DCC: variants seen among roughly 807,000 people sequenced by gnomAD.
DCC encodes netrin receptor DCC.
In DCC, 58 loss-of-function variants were observed where a neutral mutation model predicts 172.5. The observed-to-expected ratio is 0.34, with a 90% CI of 0.27 to 0.42. The LOEUF (loss-of-function observed/expected upper bound fraction) is 0.42, where lower values mean the gene tolerates loss of function less well. DCC is among the 10% of genes least tolerant of loss of function. DCC has a pLI of 1.00. For missense variants in DCC, 1,740 were observed against 1,791.0 expected, an observed-to-expected ratio of 0.97 and a Z score of 0.51; for synonymous variants, 709 against 644.5, an observed-to-expected ratio of 1.10 and a Z score of -1.52.
chr18:53,219,474 AG>A (rs1314259510), intron 12 of DCC, among the ~76,000 whole-genome samples: 1 of 152,142 alleles, frequency 6.6e-6, no homozygotes, highest in African/African-American at 2.4e-5. Context: ...CCAAAACCCC[AG>A]TATATTATGA....
intron 12 of DCC, among the ~76,000 whole-genome samples, chr18:53,249,445 G>C (rs1330862542): frequency 6.6e-6 from 1 of 151,690 alleles, no homozygotes; most frequent in Non-Finnish European, 1.5e-5. Context: ...CAGATCAAGG[G>C]CTATGTCTAC....
intron 7 of DCC, among the ~76,000 whole-genome samples, chr18:53,144,637 G>A (rs2043878924): frequency 6.6e-6 from 1 of 152,166 alleles, no homozygotes; most frequent in African/African-American, 2.4e-5. Flanking sequence ...AATTCAAGAT[G>A]AGGTTTGGGT....
At chr18:52,727,400 C>A (rs916303971) in intron 1 of DCC, among the ~76,000 whole-genome samples, 1 of 152,070 alleles carries the variant, frequency 6.6e-6, no homozygotes, top group African/African-American at 2.4e-5. Context: ...AATGTGATGA[C>A]CTGTTTCAAC....
In DCC at chr18:52,925,370, G is replaced by T; in HGVS notation, c.985G>T (p.Val329Phe). ...ISASAELTVL[V>F]PPWFLNHPSN... Reference sequence around the variant, plus strand: ...TGCCTCTGCAGAGCTCACAGTCTTGGGTAAGTTAGTGGCTGGAGATGAGTT... The same window carrying T: ...TGCCTCTGCAGAGCTCACAGTCTTGTGTAAGTTAGTGGCTGGAGATGAGTT... Residue 329 changes from valine to phenylalanine, a missense_variant and splice_region_variant, in exon 5 of 29, where the codon GTT (valine) becomes TTT (phenylalanine). This residue lies in a region of DCC where 1,732 missense variants were observed against 1,767.4 expected (regional missense o/e 0.98). Coordinates refer to ENST00000442544, the MANE Select transcript of DCC (RefSeq NM_005215.4). 1 of 1,611,984 alleles carries T rather than the reference G, an allele frequency of 6.2e-7. No individual in the cohort carries two copies. Among genetic ancestry groups the T allele is most frequent in the Non-Finnish European group, 8.5e-7 (1 of 1,178,480 alleles).
At chr18:52,386,321 C>A (rs540859574) in intron 1 of DCC, among the ~76,000 whole-genome samples, 9 of 152,138 alleles carry the variant, frequency 5.9e-5, no homozygotes, top group Admixed American at 5.9e-4. Flanking sequence ...GTTTTAAGAT[C>A]TTAACAAAGA....
chr18:52,783,252 C>T (rs372675117), intron 2 of DCC, among the ~76,000 whole-genome samples: 36 of 145,438 alleles, frequency 2.5e-4, no homozygotes, highest in African/African-American at 7.6e-4. Flanking sequence ...AGTGGTTTAA[C>T]ACCGATTTAA....
chr18:52,932,771 A>G (rs985978073), intron 5 of DCC, among the ~76,000 whole-genome samples: 2 of 152,048 alleles, frequency 1.3e-5, no homozygotes, highest in Non-Finnish European at 2.9e-5. Context: ...ATACACACGT[A>G]TATTTTTGTA....
At chr18:53,047,718 C>G (rs2042275744) in intron 5 of DCC, among the ~76,000 whole-genome samples, 1 of 151,360 alleles carries the variant, frequency 6.6e-6, no homozygotes. Context: ...CTTTACCTCT[C>G]TGAGGCATAG....
intron 27 of DCC, among the ~76,000 whole-genome samples, chr18:53,522,093 T>A (rs952231085): frequency 2.0e-5 from 3 of 152,132 alleles, no homozygotes; most frequent in Admixed American, 6.6e-5. Flanking sequence ...TGCCTCTTTT[T>A]AAAGCTTTTA....
At chr18:53,146,035 C>T (rs777667542) in intron 7 of DCC, among the ~76,000 whole-genome samples, 1 of 151,936 alleles carries the variant, frequency 6.6e-6, no homozygotes, top group Non-Finnish European at 1.5e-5. Context: ...GGAGTTTGAC[C>T]AGCCTGGCCA....
chr18:53,188,483 G>A lies in DCC; in HGVS notation c.1573+9367G>A, dbSNP rs915330868. ...ATAAGGATCATACTGCTTGTTTTGG[G>A]ATAATATGAAGGGGCACTAGAAAAG... On this transcript the variant is annotated intron_variant, in intron 9 of 28. Coordinates refer to ENST00000442544, the MANE Select transcript of DCC (RefSeq NM_005215.4). 5.3e-5 allele frequency among the ~76,000 whole-genome samples: 8 copies of A among 152,246 alleles called. No individual in the cohort carries two copies. In the South Asian group the frequency reaches 1.0e-3, roughly 20 times the overall value.
chr18:52,409,615 T>C (rs1019479058), intron 1 of DCC, among the ~76,000 whole-genome samples: 1 of 152,146 alleles, frequency 6.6e-6, no homozygotes, highest in African/African-American at 2.4e-5. Context: ...CATTAGAGAT[T>C]GAACAGTGAC....
intron 1 of DCC, among the ~76,000 whole-genome samples, chr18:52,490,571 G>A (rs570072678): frequency 2.4e-4 from 36 of 152,210 alleles, no homozygotes; most frequent in African/African-American, 7.7e-4. Context: ...GCTTCCCCGT[G>A]AAGGGCGCTT....
intron 7 of DCC, among the ~76,000 whole-genome samples, chr18:53,112,584 A>T (rs2043348367): frequency 6.6e-6 from 1 of 151,548 alleles, no homozygotes; most frequent in Non-Finnish European, 1.5e-5. Context: ...GATTTATGAG[A>T]GTAATCCATA....
intron 7 of DCC, among the ~76,000 whole-genome samples, chr18:53,090,732 A>AAAAAAAAAAAAATAATAAT (rs1568298492): frequency 7.7e-6 from 1 of 129,078 alleles, no homozygotes; most frequent in African/African-American, 2.9e-5. Flanking sequence ...AAAAAAAAAA[A>AAAAAAAAAAAAATAATAAT]AAGAATGTAT....
intron 1 of DCC, among the ~76,000 whole-genome samples, chr18:52,626,089 C>A (rs1439846382): frequency 6.6e-6 from 1 of 152,142 alleles, no homozygotes; most frequent in Non-Finnish European, 1.5e-5. Context: ...GCTCTAATGA[C>A]AACCAGCATG....
Position 52,401,681 on chromosome 18 carries a change from G to T in DCC, c.91+60803G>T, listed in dbSNP as rs193199791. ...ATTTGGCACTCTAATTTTGAATGCT[G>T]TTCTAAGTCCTAGAGCAGTGAATTA... On this transcript the variant is annotated intron_variant, in intron 1 of 28. Transcript: ENST00000442544. 3.1e-3 allele frequency among the ~76,000 whole-genome samples: 475 copies of T among 152,086 alleles called. 4 individuals carry two copies. The highest frequency in any genetic ancestry group is 0.011 in the African/African-American group (450 of 41,548).
chr18:53,137,139 C>A (rs571710240), intron 7 of DCC, among the ~76,000 whole-genome samples: 1 of 152,298 alleles, frequency 6.6e-6, no homozygotes, highest in South Asian at 2.1e-4. Context: ...AACTTAGCAA[C>A]TTAACATAAC....
chr18:52,967,326 G>A (rs1317327804), intron 5 of DCC, among the ~76,000 whole-genome samples: 1 of 152,160 alleles, frequency 6.6e-6, no homozygotes, highest in Non-Finnish European at 1.5e-5. Context: ...AGTTAACTGA[G>A]TATGGTTGGC....
Sources: allele counts gnomAD v4.1 joint callset (sites outside exome capture counted in the v4.1 genomes callset), GRCh38; gene constraint gnomAD v4.1.1; regional missense constraint gnomAD v4.1.1; transcripts MANE v1.5; gene names NCBI Gene and HGNC (gene_info 2026-07-23, HGNC 2026-07-21).